Variants in SLC35A1 observed in about 807,000 individuals in gnomAD.
The protein encoded by SLC35A1 is solute carrier family 35 member A1.
In SLC35A1, 21 loss-of-function variants were observed where a neutral mutation model predicts 40.3. That is an observed-to-expected ratio of 0.52 (90% confidence interval 0.37 to 0.75). The LOEUF is 0.75. Among genes scored for constraint, SLC35A1 ranks in the 30% least tolerant of loss-of-function variants. The pLI, the probability that SLC35A1 is intolerant of heterozygous loss-of-function variation, is 0.00. For missense variants in SLC35A1, 297 were observed against 382.1 expected (o/e 0.78, Z 1.86); for synonymous variants, 146 against 147.3 (o/e 0.99, Z 0.06).
chr6:87,492,544 G>C (rs1254154112), intron 2 of SLC35A1, among the ~76,000 whole-genome samples: 6 of 114,668 alleles, frequency 5.2e-5, no homozygotes, highest in Non-Finnish European at 1.0e-4. Flanking sequence ...AATTTATCTT[G>C]ATTTTTTTTT....
Position 87,511,641 on chromosome 6 carries a change from A to T in SLC35A1, c.*115A>T, listed in dbSNP as rs1770279856. 5 of 1,151,042 alleles carry T rather than the reference A, an allele frequency of 4.3e-6. No homozygotes were observed. The highest frequency in any genetic ancestry group is 6.6e-6 in the Non-Finnish European group (5 of 762,376). The allele number at this position is 1,151,042 out of a possible 1,614,324, so 71.3% of individuals were successfully genotyped here. A position where few individuals can be genotyped will look rare whatever the true frequency, so the allele number is the denominator to read the frequency against. On this transcript the variant is annotated 3_prime_UTR_variant, in exon 8 of 8. Coordinates refer to ENST00000369552, the MANE Select transcript of SLC35A1 (RefSeq NM_006416.5). ...TAAAAATTAACTGTATGGCATGATCAGTGCGGTTATGTGGAAACAACAACA... is the reference window on the plus strand; with the variant it reads ...TAAAAATTAACTGTATGGCATGATCTGTGCGGTTATGTGGAAACAACAACA...
In SLC35A1 at chr6:87,500,498, G is replaced by C. The variant is rs1214795554; in HGVS notation, c.195-10G>C. 1.2e-6 allele frequency: 2 copies of C among 1,613,712 alleles called. No homozygotes were observed. Among genetic ancestry groups the C allele is most frequent in the Non-Finnish European group, 1.7e-6 (2 of 1,179,878 alleles). ...TACCACCCTCTCATCTCCCCCTTTT[G>C]TTTTCAAAGAGAAACTGGTAGTCTG... On this transcript the variant is annotated splice_polypyrimidine_tract_variant and intron_variant, in intron 2 of 7. Transcript: ENST00000369552.
At position 87,508,445 on chromosome 6, in the gene SLC35A1, G is replaced by T. The variant is rs888953631; in HGVS notation, c.600G>T (p.Lys200Asn). 1 of 1,609,772 alleles carries T rather than the reference G, an allele frequency of 6.2e-7. No homozygotes were observed. The highest frequency in any genetic ancestry group is 8.5e-7 in the Non-Finnish European group (1 of 1,177,120). The change falls in exon 6 of 8, where the codon AAG becomes AAT. Residue 200 changes from lysine to asparagine, a missense_variant. Coordinates refer to ENST00000369552, the MANE Select transcript of SLC35A1 (RefSeq NM_006416.5). The part of the protein sequence containing the change: ...FAGVYFEKVL[K>N]SSDTSLWVRN... ...GAGTATATTTTGAAAAAGTTTTAAA[G>T]AGTTCAGATACTTCTCTTTGGGTGA...
Position 87,511,418 on chromosome 6 carries a change from T to C in SLC35A1, c.906T>C (p.Gly302=), listed in dbSNP as rs1440632778. The change falls in exon 8 of 8, where the codon GGT becomes GGC. Residue 302 remains glycine (G), a synonymous_variant. Transcript: ENST00000369552. ...GLQITLTFAL[G]TLLVCVSIYL... ...TTTCAGCACTCACCTTTGCCCTGGG[T>C]ACTCTTCTTGTATGTGTTTCCATAT... 1 of 1,613,766 alleles carries C rather than the reference T, an allele frequency of 6.2e-7. No homozygotes were observed. Among genetic ancestry groups the C allele is most frequent in the Non-Finnish European group, 8.5e-7 (1 of 1,179,800 alleles).
rs1056776426 is a variant in SLC35A1 at position 87,477,639 on chromosome 6, G to A, written c.194+100G>A. 4 of 1,053,500 alleles carry A rather than the reference G, an allele frequency of 3.8e-6. No homozygotes were observed. In the Admixed American group the frequency reaches 5.6e-5, roughly 15 times the overall value. 65.3% of individuals were successfully genotyped at this position (1,053,500 alleles called of 1,614,324 possible). The stretch of plus-strand genomic sequence containing the variant: ...CATCTTTATATGTTTAATTGCTCTG[G>A]GTCAGTGTTTCTCAACTAGGGGTGA... On this transcript the variant is annotated intron_variant, in intron 2 of 7. Transcript: ENST00000369552.
chr6:87,478,918 C>T (rs1769166128), intron 2 of SLC35A1, among the ~76,000 whole-genome samples: 1 of 152,146 alleles, frequency 6.6e-6, no homozygotes. Flanking sequence ...TGCACGTGGC[C>T]TCTATGGCTC....
At chr6:87,504,969 G>A (rs2127976168) in intron 4 of SLC35A1, among the ~76,000 whole-genome samples, 1 of 152,316 alleles carries the variant, frequency 6.6e-6, no homozygotes, top group African/African-American at 2.4e-5. Flanking sequence ...GCGTACATCA[G>A]AATCAACTGG....
Position 87,477,471 on chromosome 6 carries a change from C to T in SLC35A1, c.126C>T (p.Tyr42=), listed in dbSNP as rs984239387. The change falls in exon 2 of 8, where the codon TAC becomes TAT. Residue 42 remains tyrosine (Y), a synonymous_variant. Transcript: ENST00000369552. ...RYTRTSDKEL[Y]FSTTAVCITE... is the part of the protein sequence containing the mutation. ...CAAGGACATCAGACAAAGAACTCTA[C>T]TTTTCAACCACAGCCGTGTGTATCA... 7 of 1,613,958 alleles carry T rather than the reference C, an allele frequency of 4.3e-6. No homozygotes were observed. The highest frequency in any genetic ancestry group is 2.2e-5 in the East Asian group (1 of 44,874).
At chr6:87,491,613 G>A (rs1769555345) in intron 2 of SLC35A1, among the ~76,000 whole-genome samples, 1 of 152,150 alleles carries the variant, frequency 6.6e-6, no homozygotes, top group Non-Finnish European at 1.5e-5. Flanking sequence ...ACTTTGCCAT[G>A]TGTCTTCTTC....
intron 7 of SLC35A1, among the ~76,000 whole-genome samples, chr6:87,509,426 T>C (rs954970831): frequency 5.9e-5 from 9 of 152,150 alleles, no homozygotes; most frequent in African/African-American, 2.2e-4. Flanking sequence ...TGAGGGGACT[T>C]TTTTTGCAGT....
intron 2 of SLC35A1, among the ~76,000 whole-genome samples, chr6:87,482,084 A>T (rs936705208): frequency 6.6e-6 from 1 of 152,210 alleles, no homozygotes; most frequent in Non-Finnish European, 1.5e-5. Context: ...CATTTCTTGC[A>T]TAAGTTCCCT....
intron 2 of SLC35A1, among the ~76,000 whole-genome samples, chr6:87,492,037 ATT>A (rs1769566463): frequency 6.6e-6 from 1 of 152,062 alleles, no homozygotes; most frequent in Non-Finnish European, 1.5e-5. Context: ...CATGTATAGA[ATT>A]TTTTTCTGAT....
rs1009098369 is a variant in SLC35A1 at position 87,511,541 on chromosome 6, G to T, written c.*15G>T. On this transcript the variant is annotated 3_prime_UTR_variant, in exon 8 of 8. Transcript: ENST00000369552. Reference sequence around the variant, plus strand: ...TTGGTGTGTGATTTTAGCCTCACGTGAGACTCCTTTTAAGACTAAACCATT... The same window carrying T: ...TTGGTGTGTGATTTTAGCCTCACGTTAGACTCCTTTTAAGACTAAACCATT... 6.2e-7 allele frequency: 1 copy of T among 1,613,648 alleles called. No individual in the cohort carries two copies. Among genetic ancestry groups the T allele is most frequent in the Non-Finnish European group, 8.5e-7 (1 of 1,179,688 alleles).
intron 2 of SLC35A1, among the ~76,000 whole-genome samples, chr6:87,500,157 CAG>C (rs1769875594): frequency 6.6e-6 from 1 of 152,054 alleles, no homozygotes; most frequent in South Asian, 2.1e-4. Context: ...AAAAAGTAAT[CAG>C]GGTGAACTTG....
At chr6:87,488,459 A>C (rs1315925897) in intron 2 of SLC35A1, 1 of 152,226 alleles carries the variant, frequency 6.6e-6, no homozygotes, top group East Asian at 1.9e-4. Context: ...TTGCTTTGGC[A>C]GCACATAATA....
intron 2 of SLC35A1, among the ~76,000 whole-genome samples, chr6:87,485,347 C>T (rs573136773): frequency 6.6e-6 from 1 of 152,136 alleles, no homozygotes; most frequent in Non-Finnish European, 1.5e-5. Context: ...TCAAGGAAGA[C>T]TTTATCATCT....
At chr6:87,494,272 A>G (rs1194591052) in intron 2 of SLC35A1, among the ~76,000 whole-genome samples, 1 of 152,198 alleles carries the variant, frequency 6.6e-6, no homozygotes, top group East Asian at 1.9e-4. Flanking sequence ...ATCTTTGTAC[A>G]TACACTGTTG....
At chr6:87,493,239 AT>A (rs1345682954) in intron 2 of SLC35A1, among the ~76,000 whole-genome samples, 3 of 152,152 alleles carry the variant, frequency 2.0e-5, no homozygotes, top group African/African-American at 7.2e-5. Context: ...TCTTTTTAGC[AT>A]ATCTTGTTAC....
chr6:87,487,352 T>C (rs1291815104), intron 2 of SLC35A1, among the ~76,000 whole-genome samples: 1 of 152,152 alleles, frequency 6.6e-6, no homozygotes, highest in Non-Finnish European at 1.5e-5. Flanking sequence ...TTAATGGATT[T>C]GAGTTATGCT....
Sources: allele counts gnomAD v4.1 joint callset (sites outside exome capture counted in the v4.1 genomes callset), GRCh38; gene constraint gnomAD v4.1.1; transcripts MANE v1.5; gene names NCBI Gene and HGNC (gene_info 2026-07-23, HGNC 2026-07-21).